The following CATSPERE variants were observed in gnomAD, a reference collection of about 807,000 sequenced individuals.
The protein encoded by CATSPERE is cation channel sperm-associated auxiliary subunit epsilon.
CATSPERE carries 93 observed loss-of-function variants against 114.1 expected under a neutral mutation model. The ratio of observed to expected loss-of-function variants is 0.81; its 90% CI spans 0.69 to 0.97. The LOEUF is 0.97. Among genes scored for constraint, CATSPERE ranks in the 50% least tolerant of loss-of-function variants. The probability of loss-of-function intolerance (pLI) is 0.00; values close to 1 mark genes in which losing one functional copy is unlikely to be tolerated. For synonymous variants in CATSPERE, 341 were observed against 384.1 expected (o/e 0.89, Z 1.31); for missense variants, 1,058 against 1,131.6 (o/e 0.93, Z 0.93).
intron 13 of CATSPERE, among the ~76,000 whole-genome samples, chr1:244,587,016 T>C (rs1667114097): frequency 6.6e-6 from 1 of 152,234 alleles, no homozygotes; most frequent in Non-Finnish European, 1.5e-5. Context: ...ATTAATTGTA[T>C]TTTAGTTCCA....
In CATSPERE at chr1:244,461,486, C is replaced by T. The variant is rs770883221; in HGVS notation, c.57C>T (p.Ala19=). 1.1e-5 allele frequency: 15 copies of T among 1,325,478 alleles called. No homozygotes were observed. In the Admixed American group the frequency reaches 3.5e-4, roughly 31 times the overall value. 82.1% of individuals were successfully genotyped at this position (1,325,478 alleles called of 1,614,324 possible). ...TGTGGCTGAGCTGCTATGGCTCCGC[C>T]CTTTGGAGGTAGAGAGACGCCAGTC... is the stretch of plus-strand genomic sequence containing the variant. ...LLLWLSCYGS[A]LWRYSTNSPN... Residue 19 remains alanine (A), a synonymous_variant, in exon 1 of 22, where the codon GCC becomes GCT. Coordinates refer to ENST00000366534, the MANE Select transcript of CATSPERE (RefSeq NM_001130957.2).
intron 2 of CATSPERE, among the ~76,000 whole-genome samples, chr1:244,470,825 T>C (rs1055457603): frequency 6.6e-6 from 1 of 152,246 alleles, no homozygotes; most frequent in Non-Finnish European, 1.5e-5. Context: ...GGAACATTAC[T>C]TGTCAATAAA....
intron 7 of CATSPERE, among the ~76,000 whole-genome samples, chr1:244,507,104 T>A (rs1236721377): frequency 6.6e-6 from 1 of 152,220 alleles, no homozygotes; most frequent in Non-Finnish European, 1.5e-5. Context: ...TTTTTATAGC[T>A]GAATAGTATT....
chr1:244,625,471 C>A (rs1301268215), intron 20 of CATSPERE, among the ~76,000 whole-genome samples: 2 of 84,260 alleles, frequency 2.4e-5, no homozygotes, highest in African/African-American at 1.0e-4. Flanking sequence ...ACTCTGTCTC[C>A]AGGCTGGAGT....
chr1:244,466,633 A>T (rs1667641206), intron 2 of CATSPERE, among the ~76,000 whole-genome samples: 1 of 152,152 alleles, frequency 6.6e-6, no homozygotes, highest in Non-Finnish European at 1.5e-5. Flanking sequence ...TAGATATTTC[A>T]AGCAGAAATT....
In CATSPERE at chr1:244,552,488, C is replaced by T. The variant is rs570739474; in HGVS notation, c.703C>T (p.Arg235Cys). ...IPGYLPISSPRGSQLMASWDA... is the reference protein window; with the variant it reads ...IPGYLPISSPCGSQLMASWDA... ...TGGTTATTTACCAATCTCCTCACCA[C>T]GTGGTAGTCAATTAATGGCTTCCTG... The change falls in exon 9 of 22, where the codon CGT (arginine) becomes TGT (cysteine). Residue 235 changes from arginine (R) to cysteine (C), a missense_variant. Arg to Cys is a radical substitution (Grantham distance 180). Around this residue, in one of 2 missense-constraint regions of CATSPERE, gnomAD observed 787 missense variants for 905.6 expected, o/e 0.87. Transcript: ENST00000366534. 6 of 1,614,208 alleles carry T rather than the reference C, an allele frequency of 3.7e-6. No homozygotes were observed. The highest frequency in any genetic ancestry group is 2.2e-5 in the East Asian group (1 of 44,884).
intron 19 of CATSPERE, among the ~76,000 whole-genome samples, chr1:244,614,173 G>C (rs898473156): frequency 1.3e-5 from 2 of 152,170 alleles, no homozygotes; most frequent in Non-Finnish European, 2.9e-5. Context: ...AAAAGCAACA[G>C]AAAACAAACT....
upstream of CATSPERE, among the ~76,000 whole-genome samples, chr1:244,453,815 C>T (rs1050476443): frequency 1.3e-5 from 2 of 152,114 alleles, no homozygotes; most frequent in Admixed American, 6.5e-5. Context: ...CTCCTTTCTC[C>T]CAACTGGTTC....
chr1:244,470,329 T>G (rs1169575364), intron 2 of CATSPERE, among the ~76,000 whole-genome samples: 1 of 152,194 alleles, frequency 6.6e-6, no homozygotes, highest in African/African-American at 2.4e-5. Flanking sequence ...ACTATTGATA[T>G]AATTTGGTAA....
intron 10 of CATSPERE, 58 bp downstream of exon 10, chr1:244,561,203 A>G (rs1011709960): frequency 1.6e-6 from 2 of 1,226,426 alleles, no homozygotes; most frequent in Non-Finnish European, 2.3e-6. Flanking sequence ...CATCTTCCTT[A>G]TAATGATGTA....
intron 8 of CATSPERE, among the ~76,000 whole-genome samples, chr1:244,541,342 C>T (rs931568967): frequency 6.7e-5 from 10 of 149,420 alleles, no homozygotes; most frequent in South Asian, 2.1e-4. Flanking sequence ...AAAAAGTGGG[C>T]GAAGGACATG....
At chr1:244,454,175 A>C (rs1398350399), upstream of CATSPERE, among the ~76,000 whole-genome samples, 2 of 152,102 alleles carry the variant, frequency 1.3e-5, no homozygotes, top group Non-Finnish European at 2.9e-5. Flanking sequence ...TGAGCCCTAC[A>C]GAAGGCTCAA....
intron 11 of CATSPERE, among the ~76,000 whole-genome samples, chr1:244,579,498 G>C (rs552019871): frequency 7.2e-5 from 11 of 152,010 alleles, no homozygotes; most frequent in African/African-American, 2.4e-4. Flanking sequence ...GTTCAACTGT[G>C]AGTTTTTTCA....
In CATSPERE at chr1:244,583,903, T is replaced by G. The variant is rs774520376; in HGVS notation, c.2049T>G (p.Pro683=). The G allele has an allele frequency of 1.1e-5, 18 of 1,614,020 alleles. No homozygotes were observed. The highest frequency in any genetic ancestry group is 1.5e-5 in the Non-Finnish European group (18 of 1,180,000). Residue 683 remains proline (P), a synonymous_variant, in exon 13 of 22, where the codon CCT becomes CCG. Coordinates refer to ENST00000366534, the MANE Select transcript of CATSPERE (RefSeq NM_001130957.2). ...HTGLVLVQFR[P]SEYSKACPIA... ...GTCTTGTGCTGGTTCAGTTTCGACC[T>G]AGTGAATATTCAAAAGCATGTCCAA... is the stretch of plus-strand genomic sequence containing the variant.
At chr1:244,473,860 ATT>A in intron 2 of CATSPERE, among the ~76,000 whole-genome samples, 2 of 152,096 alleles carry the variant, frequency 1.3e-5, no homozygotes, top group Middle Eastern at 6.8e-3. Flanking sequence ...GGTGTGTTGT[ATT>A]TACTGTTTCT....
intron 8 of CATSPERE, among the ~76,000 whole-genome samples, chr1:244,537,113 G>A (rs953837395): frequency 6.6e-6 from 1 of 152,154 alleles, no homozygotes; most frequent in Non-Finnish European, 1.5e-5. Flanking sequence ...TCCTTGTCGT[G>A]TAGGCAATCT....
At chr1:244,477,081 T>G (rs1028089755) in intron 2 of CATSPERE, among the ~76,000 whole-genome samples, 1 of 152,144 alleles carries the variant, frequency 6.6e-6, no homozygotes, top group African/African-American at 2.4e-5. Flanking sequence ...CTGCAACCTC[T>G]GCCTCCCAGG....
At chr1:244,498,354 ATACT>A (rs1219876938) in intron 6 of CATSPERE, among the ~76,000 whole-genome samples, 1 of 152,196 alleles carries the variant, frequency 6.6e-6, no homozygotes, top group Admixed American at 6.5e-5. Context: ...CTTACGAATA[ATACT>A]TACCTATGGG....
Position 244,621,158 on chromosome 1 carries a change from A to ATC in CATSPERE, c.2648+3473_2648+3474insCT, listed in dbSNP as rs1672197602. Reference sequence around the variant, plus strand: ...ATATAAAATATATATATTATAAAATATATATATTATATATAGATATATTTA... The same window carrying ATC: ...ATATAAAATATATATATTATAAAATATCTATATATTATATATAGATATATTTA... On this transcript the variant is annotated intron_variant, in intron 20 of 21. Transcript: ENST00000366534. Among the ~76,000 whole-genome samples the ATC allele has an allele frequency of 4.8e-5, 4 of 84,134 alleles. 1 individual carries two copies. The highest frequency in any genetic ancestry group is 6.6e-4 in the South Asian group (2 of 3,040). The allele number at this position is 84,134 out of a possible 152,430, so 55.2% of individuals were successfully genotyped here.
Sources: gnomAD v4.1 joint callset for allele counts (sites outside exome capture counted in the v4.1 genomes callset) on GRCh38, gnomAD v4.1.1 for gene constraint, gnomAD v4.1.1 regional missense constraint, MANE v1.5 for transcripts, NCBI Gene and HGNC (gene_info 2026-07-23, HGNC 2026-07-21) for gene names.